Variants in PLIN2 observed in about 807,000 individuals in gnomAD.
PLIN2 encodes the protein perilipin-2.
In PLIN2, 33 loss-of-function variants were observed where a neutral mutation model predicts 30.6. The ratio of observed to expected loss-of-function variants is 1.08; its 90% CI spans 0.82 to 1.44. The LOEUF (loss-of-function observed/expected upper bound fraction) is 1.44, where lower values mean the gene tolerates loss of function less well. Ranked by LOEUF, PLIN2 falls within the 40% of genes most tolerant of loss-of-function variation. PLIN2 has a pLI of 0.00. For synonymous variants in PLIN2, 205 were observed against 201.1 expected (o/e 1.02, Z -0.16); for missense variants, 610 against 531.8 (o/e 1.15, Z -1.45).
chr9:19,109,575 A>G (rs192141941), intron 2 of PLIN2, among the ~76,000 whole-genome samples: 1 of 145,966 alleles, frequency 6.9e-6, no homozygotes, highest in Non-Finnish European at 1.5e-5. Context: ...AAAAAAAATT[A>G]ATAACATAAA....
intron 3 of PLIN2, 72 bp from the exon 4 acceptor site, chr9:19,123,719 T>G: frequency 7.4e-7 from 1 of 1,354,458 alleles, no homozygotes; most frequent in Non-Finnish European, 1.0e-6. Flanking sequence ...CCATAGGCCT[T>G]ATAAAAAATG....
chr9:19,113,898 C>T (rs1818188508), downstream of PLIN2, among the ~76,000 whole-genome samples: 1 of 151,914 alleles, frequency 6.6e-6, no homozygotes, highest in African/African-American at 2.4e-5. Flanking sequence ...CCTCAGCCTC[C>T]CGAGGAGCTG....
At position 19,119,737 on chromosome 9, in the gene PLIN2, A is replaced by G; in HGVS notation, c.690T>C (p.Arg230=). The G allele has an allele frequency of 6.2e-7, 1 of 1,612,598 alleles. No individual in the cohort carries two copies. The highest frequency in any genetic ancestry group is 8.5e-7 in the Non-Finnish European group (1 of 1,178,782). Residue 230 remains arginine, a synonymous_variant, in exon 6 of 8, where the codon CGT becomes CGC. Transcript: ENST00000276914. ...CCCTGCTGAGAGCCTGCTGGTAGGCACGGGAGTGAAGCTTGGTAGACAGGG... is the reference window on the plus strand; with the variant it reads ...CCCTGCTGAGAGCCTGCTGGTAGGCGCGGGAGTGAAGCTTGGTAGACAGGG... The part of the protein sequence containing the change: ...LGSLSTKLHS[R]AYQQALSRVK...
At chr9:19,122,536 T>G (rs1222167633) in intron 4 of PLIN2, among the ~76,000 whole-genome samples, 1 of 100,780 alleles carries the variant, frequency 9.9e-6, no homozygotes, top group Admixed American at 9.8e-5. Context: ...AGCCTAGGTA[T>G]ATAGCAGGCT....
intron 4 of PLIN2, among the ~76,000 whole-genome samples, chr9:19,122,000 T>G (rs1397021024): frequency 6.8e-6 from 1 of 146,894 alleles, no homozygotes; most frequent in Non-Finnish European, 1.5e-5. Context: ...ACCCAGCTAC[T>G]GGGGAGGCTG....
downstream of PLIN2, among the ~76,000 whole-genome samples, chr9:19,114,403 T>C (rs1037165471): frequency 6.6e-6 from 1 of 151,692 alleles, no homozygotes; most frequent in African/African-American, 2.4e-5. Flanking sequence ...TGTAGCTCTA[T>C]TTCACATTTT....
chr9:19,121,849 T>G (rs577145107), intron 4 of PLIN2, among the ~76,000 whole-genome samples: 1 of 152,310 alleles, frequency 6.6e-6, no homozygotes, highest in African/African-American at 2.4e-5. Context: ...AAGAATCACT[T>G]GAACCCCAGA....
rs1269513304 is a variant in PLIN2, at chr9:19,116,685, C to G, written c.913-36G>C. On this transcript the variant is annotated intron_variant, in intron 7 of 7. Transcript: ENST00000276914. ...AACTTAAAATTAGCAGTGGATCCAA[C>G]AGTGCTATGTATAAATTAGTTCGAT... 6 of 1,580,372 alleles carry G rather than the reference C, an allele frequency of 3.8e-6. No homozygotes were observed. The Admixed American group carries it at 1.0e-4, about 27-fold the overall frequency.
Position 19,126,312 on chromosome 9 carries a change from G to A in PLIN2, c.31-3C>T. On this transcript the variant is annotated splice_polypyrimidine_tract_variant and splice_region_variant and intron_variant, in intron 2 of 7. Transcript: ENST00000276914. The stretch of plus-strand genomic sequence containing the variant: ...TTGACCACCCGAGTCACCACACTCT[G>A]CAATCAAAGTAGGGAGGGTATGCTT... 2 of 1,613,538 alleles carry A rather than the reference G, an allele frequency of 1.2e-6. No individual in the cohort carries two copies. Among genetic ancestry groups the A allele is most frequent in the Non-Finnish European group, 1.7e-6 (2 of 1,179,482 alleles).
chr9:19,123,301 A>G, intron 4 of PLIN2: 1 of 1,488,344 alleles, frequency 6.7e-7, no homozygotes, highest in Non-Finnish European at 9.1e-7. Context: ...CAGCAATTTC[A>G]TTTATAGGAG....
intron 4 of PLIN2, among the ~76,000 whole-genome samples, chr9:19,121,473 G>A (rs1394305714): frequency 3.2e-5 from 4 of 125,990 alleles, no homozygotes; most frequent in African/African-American, 1.2e-4. Flanking sequence ...CTGGGTGACA[G>A]AGCAAGACCC....
At chr9:19,121,308 A>G in intron 4 of PLIN2, 143 bp from the exon 5 acceptor site, 1 of 704,534 alleles carries the variant, frequency 1.4e-6, no homozygotes, top group Admixed American at 2.8e-5. Context: ...TGGGCAAGTC[A>G]CTAAGAGTTG....
intron 7 of PLIN2, among the ~76,000 whole-genome samples, chr9:19,116,869 C>A (rs1818236631): frequency 1.3e-5 from 2 of 152,132 alleles, no homozygotes; most frequent in South Asian, 4.1e-4. Context: ...TGGAAAACAG[C>A]TGGGTAGGGA....
At chr9:19,119,294 A>C (rs1286431257) in intron 6 of PLIN2, among the ~76,000 whole-genome samples, 2 of 152,218 alleles carry the variant, frequency 1.3e-5, no homozygotes, top group African/African-American at 2.4e-5. Context: ...AAACAGCTCC[A>C]AGTGTAGGTA....
downstream of PLIN2, among the ~76,000 whole-genome samples, chr9:19,114,857 A>AG (rs1447274420): frequency 2.0e-5 from 3 of 152,202 alleles, no homozygotes; most frequent in Non-Finnish European, 4.4e-5. Flanking sequence ...CTTTTTCTAC[A>AG]GGGGGCTTAA....
downstream of PLIN2, among the ~76,000 whole-genome samples, chr9:19,113,009 T>C (rs1229830830): frequency 1.3e-5 from 2 of 151,752 alleles, no homozygotes; most frequent in Non-Finnish European, 2.9e-5. Flanking sequence ...ACACTATAAC[T>C]CTTATAATAG....
chr9:19,116,126 C>A lies in PLIN2; in HGVS notation c.*122G>T. 2.3e-6 allele frequency: 2 copies of A among 858,912 alleles called. No individual in the cohort carries two copies. The highest frequency in any genetic ancestry group is 3.5e-6 in the Non-Finnish European group (2 of 572,748). 53.2% of individuals were successfully genotyped at this position (858,912 alleles called of 1,614,324 possible). On this transcript the variant is annotated 3_prime_UTR_variant, in exon 8 of 8. Transcript: ENST00000276914. ...CTCTTAATTCAGCTGGAAACAACTA[C>A]AATTGAGGGCCTTTATACTAGCTAC...
intron 4 of PLIN2, among the ~76,000 whole-genome samples, chr9:19,122,035 G>A (rs554712226): frequency 7.0e-6 from 1 of 143,336 alleles, no homozygotes; most frequent in African/African-American, 2.6e-5. Flanking sequence ...CTTGAACCCA[G>A]GAGGAAGAGA....
intron 3 of PLIN2, among the ~76,000 whole-genome samples, chr9:19,125,229 T>A (rs944356591): frequency 3.1e-4 from 47 of 152,330 alleles, no homozygotes; most frequent in Middle Eastern, 3.4e-3. Flanking sequence ...ATTTACAACA[T>A]TATACAACCA....
Sources: gnomAD v4.1 joint callset for allele counts (sites outside exome capture counted in the v4.1 genomes callset) on GRCh38, gnomAD v4.1.1 for gene constraint, MANE v1.5 for transcripts, NCBI Gene and HGNC (gene_info 2026-07-23, HGNC 2026-07-21) for gene names.